Variants in RNF128 observed in about 807,000 individuals in gnomAD.
RNF128 encodes the protein E3 ubiquitin-protein ligase RNF128.
Under a neutral mutation model 26.2 loss-of-function variants are expected in RNF128, and 13 were observed. The observed-to-expected ratio is 0.50, with a 90% CI of 0.32 to 0.79. The LOEUF (loss-of-function observed/expected upper bound fraction) is 0.79. Ranked by LOEUF, RNF128 falls within the 30% of genes least tolerant of loss-of-function variation. RNF128 has a pLI of 0.03. For synonymous variants in RNF128, 149 were observed against 142.5 expected (o/e 1.05, Z -0.32); for missense variants, 315 against 349.7 (o/e 0.90, Z 0.79).
chrX:106,742,273 G>T (rs1929714768), intron 1 of RNF128, among the ~76,000 whole-genome samples: 1 of 112,112 alleles, frequency 8.9e-6, no homozygotes, highest in African/African-American at 3.2e-5. Flanking sequence ...CATGGTAAAG[G>T]ATTGGCATTG....
intron 1 of RNF128, among the ~76,000 whole-genome samples, chrX:106,739,666 T>C (rs1374987246): frequency 8.9e-6 from 1 of 111,974 alleles, no homozygotes; most frequent in Admixed American, 9.5e-5. Context: ...AGAAACAATT[T>C]ATAGTGAAAA....
chrX:106,699,416 C>T (rs908190961), intron 1 of RNF128, among the ~76,000 whole-genome samples: 2 of 111,773 alleles, frequency 1.8e-5, no homozygotes, highest in East Asian at 5.6e-4. Context: ...GTCACTTCTC[C>T]TTCATTTTTT....
chrX:106,782,425 T>C (rs1277238532), intron 2 of RNF128, among the ~76,000 whole-genome samples: 1 of 111,374 alleles, frequency 9.0e-6, no homozygotes, highest in African/African-American at 3.3e-5. Context: ...GGCATACAGG[T>C]GGAAGGATTG....
chrX:106,704,447 A>AG (rs1929014354), intron 1 of RNF128, among the ~76,000 whole-genome samples: 1 of 107,779 alleles, frequency 9.3e-6, no homozygotes, highest in South Asian at 4.0e-4. Flanking sequence ...AAAAAAAAAA[A>AG]AAAAAAAGAG....
At chrX:106,719,009 A>G (rs1462885550) in intron 1 of RNF128, among the ~76,000 whole-genome samples, 1 of 112,282 alleles carries the variant, frequency 8.9e-6, no homozygotes, top group Non-Finnish European at 1.9e-5. Flanking sequence ...CCCTTGGAAT[A>G]CAAAGGCAGC....
At chrX:106,726,423 T>C (rs946150617), upstream of RNF128, among the ~76,000 whole-genome samples, 2 of 111,603 alleles carry the variant, frequency 1.8e-5, no homozygotes, top group African/African-American at 6.5e-5. Context: ...AGGCAAATGT[T>C]AGGAGGGAAA....
At chrX:106,788,045 A>G in intron 4 of RNF128, 45 bp downstream of exon 4, 1 of 761,123 alleles carries the variant, frequency 1.3e-6, no homozygotes, top group African/African-American at 2.2e-5. Context: ...TAGCTGACCC[A>G]CAAAAATGAC....
At chrX:106,795,528 T>A in intron 6 of RNF128, 52 bp from the exon 7 acceptor site, 1 of 1,125,528 alleles carries the variant, frequency 8.9e-7, no homozygotes, top group Non-Finnish European at 1.2e-6. Context: ...GAATTTTGTC[T>A]TAAAAGAGGA....
At chrX:106,705,913 G>A (rs1929035692) in intron 1 of RNF128, among the ~76,000 whole-genome samples, 1 of 112,124 alleles carries the variant, frequency 8.9e-6, no homozygotes, top group African/African-American at 3.2e-5. Context: ...AGAACTCAGA[G>A]AGAGGTGGGT....
intron 1 of RNF128, among the ~76,000 whole-genome samples, chrX:106,769,285 C>T (rs1414101680): frequency 9.0e-6 from 1 of 110,916 alleles, no homozygotes; most frequent in Non-Finnish European, 1.9e-5. Context: ...CTTACTGTCT[C>T]GTTGATCTGT....
chrX:106,779,348 CGT>C (rs372716238), intron 2 of RNF128, among the ~76,000 whole-genome samples: 2,734 of 89,878 alleles, frequency 0.03, 47 homozygotes, highest in African/African-American at 0.043. Context: ...TACACAGTTA[CGT>C]GTGTGTGTGT....
intron 2 of RNF128, among the ~76,000 whole-genome samples, chrX:106,783,593 A>C (rs1443965497): frequency 9.0e-6 from 1 of 111,463 alleles, no homozygotes; most frequent in African/African-American, 3.3e-5. Context: ...TTACAGTTCA[A>C]AATAGAAAGA....
At chrX:106,767,435 T>C (rs1302638219) in intron 1 of RNF128, among the ~76,000 whole-genome samples, 4 of 111,701 alleles carry the variant, frequency 3.6e-5, no homozygotes, top group Admixed American at 1.9e-4. Flanking sequence ...TTCACATCCT[T>C]TTTAAGTTAG....
At chrX:106,779,314 G>A (rs1402390508) in intron 2 of RNF128, among the ~76,000 whole-genome samples, 1 of 107,971 alleles carries the variant, frequency 9.3e-6, no homozygotes, top group Non-Finnish European at 1.9e-5. Context: ...TAAAATGATT[G>A]ACATAAATTA....
chrX:106,727,186 G>C lies in RNF128; in HGVS notation c.273G>C (p.Gly91=). The stretch of plus-strand genomic sequence containing the variant: ...TCCTGGTACCGCCCGACGGGCCCGG[G>C]GCGCTTAACGCCTGTAACCCGCACA... ...AGVLVPPDGP[G]ALNACNPHTN... is the part of the protein sequence containing the mutation. Residue 91 remains glycine, a synonymous_variant, in exon 1 of 7, where the codon GGG becomes GGC. Coordinates refer to ENST00000255499, the MANE Select transcript of RNF128 (RefSeq NM_194463.2). 2 of 1,211,493 alleles carry C rather than the reference G, an allele frequency of 1.7e-6. No homozygotes were observed. The highest frequency in any genetic ancestry group is 2.2e-6 in the Non-Finnish European group (2 of 895,397).
chrX:106,785,112 A>T lies in RNF128; in HGVS notation c.780A>T (p.Leu260=). The T allele has an allele frequency of 8.4e-7, 1 of 1,188,556 alleles. No individual in the cohort carries two copies. Among genetic ancestry groups the T allele is most frequent in the Non-Finnish European group, 1.1e-6 (1 of 886,360 alleles). ...AAAAAGCTATTGGAAGGCTTCAACT[A>T]CGCACACTGAAACAAGGAGACAAGG... is the stretch of plus-strand genomic sequence containing the variant. ...DAKKAIGRLQ[L]RTLKQGDKEI... Residue 260 remains leucine (L), a synonymous_variant, in exon 3 of 7, where the codon CTA becomes CTT. Transcript: ENST00000255499.
At chrX:106,723,778 G>A (rs1156887961), upstream of RNF128, among the ~76,000 whole-genome samples, 1 of 110,267 alleles carries the variant, frequency 9.1e-6, no homozygotes, top group Non-Finnish European at 1.9e-5. Flanking sequence ...TACTCTCTTT[G>A]CTTGGGTCAC....
intron 2 of RNF128, among the ~76,000 whole-genome samples, chrX:106,778,051 A>G (rs1930500038): frequency 8.9e-6 from 1 of 111,829 alleles, no homozygotes; most frequent in Admixed American, 9.6e-5. Flanking sequence ...AACACAGTAT[A>G]TAATTTATAT....
chrX:106,700,733 T>C (rs1469878513), intron 1 of RNF128, among the ~76,000 whole-genome samples: 1 of 111,942 alleles, frequency 8.9e-6, no homozygotes, highest in African/African-American at 3.2e-5. Flanking sequence ...ACTTTTTCTA[T>C]TCATTTTTGC....
Sources: allele counts gnomAD v4.1 joint callset (sites outside exome capture counted in the v4.1 genomes callset), GRCh38; gene constraint gnomAD v4.1.1; transcripts MANE v1.5; gene names NCBI Gene and HGNC (gene_info 2026-07-23, HGNC 2026-07-21).